ELAPOR1: variants seen among roughly 807,000 people sequenced by gnomAD.
ELAPOR1 encodes the protein endosome/lysosome-associated apoptosis and autophagy regulator 1.
A neutral mutation model predicts 119.7 loss-of-function variants in ELAPOR1; 77 were observed. The ratio of observed to expected loss-of-function variants is 0.64; its 90% CI spans 0.54 to 0.78. The LOEUF (loss-of-function observed/expected upper bound fraction) is 0.78, where lower values mean the gene tolerates loss of function less well. Among genes scored for constraint, ELAPOR1 ranks in the 30% least tolerant of loss-of-function variants. The pLI is 0.00. For synonymous variants in ELAPOR1, 481 were observed against 487.2 expected, an observed-to-expected ratio of 0.99 and a Z score of 0.17; for missense variants, 1,115 against 1,270.4, an observed-to-expected ratio of 0.88 and a Z score of 1.86.
chr1:109,134,623 G>A (rs1179339718), intron 1 of ELAPOR1, among the ~76,000 whole-genome samples: 6 of 152,186 alleles, frequency 3.9e-5, no homozygotes, highest in African/African-American at 1.2e-4. Flanking sequence ...CTGCTCAGGC[G>A]GCTGCTGCAC....
intron 1 of ELAPOR1, among the ~76,000 whole-genome samples, chr1:109,158,891 C>CTTT (rs543781555): frequency 1.6e-5 from 2 of 128,748 alleles, no homozygotes; most frequent in Admixed American, 1.6e-4. Context: ...AAGCTTATGT[C>CTTT]TTTTTTTTTT....
intron 1 of ELAPOR1, among the ~76,000 whole-genome samples, chr1:109,116,878 A>G (rs1648046911): frequency 6.6e-6 from 1 of 151,988 alleles, no homozygotes; most frequent in South Asian, 2.1e-4. Context: ...TTTAGTAGAG[A>G]TGGGGTTTCA....
intron 1 of ELAPOR1, among the ~76,000 whole-genome samples, chr1:109,131,135 G>C (rs1028775742): frequency 6.6e-6 from 1 of 152,214 alleles, no homozygotes; most frequent in Non-Finnish European, 1.5e-5. Flanking sequence ...TGAAGATCCA[G>C]TTCCAAGATG....
rs760110746 is a variant in ELAPOR1 at position 109,202,851 on chromosome 1, G to T, written c.2974-93G>T. On this transcript the variant is annotated intron_variant, in intron 21 of 21. Transcript: ENST00000369939. ...AGCCACTGAAACAGGAATTTCATAA[G>T]GGTTCCTTCTGTCACCTATTTTCCA... The T allele has an allele frequency of 8.1e-4, 947 of 1,166,260 alleles. 1 individual carries two copies. The highest frequency in any genetic ancestry group is 1.2e-3 in the Non-Finnish European group (904 of 773,478). 72.2% of individuals were successfully genotyped at this position (1,166,260 alleles called of 1,614,324 possible).
chr1:109,189,509 C>G lies in ELAPOR1; in HGVS notation c.1349-83C>G. 2.4e-6 allele frequency: 3 copies of G among 1,263,104 alleles called. No homozygotes were observed. The South Asian group carries it at 3.6e-5, about 15-fold the overall frequency. The allele number at this position is 1,263,104 out of a possible 1,614,324, so 78.2% of individuals were successfully genotyped here. A position where few individuals can be genotyped will look rare whatever the true frequency, so the allele number is the denominator to read the frequency against. Reference sequence around the variant, plus strand: ...GGGCGCCTCAAAAGATGGTGTCAAACCTCCCTTCCAGAGTGTCATCTGGGT... The same window carrying G: ...GGGCGCCTCAAAAGATGGTGTCAAAGCTCCCTTCCAGAGTGTCATCTGGGT... On this transcript the variant is annotated intron_variant, in intron 10 of 21. Coordinates refer to ENST00000369939, the MANE Select transcript of ELAPOR1 (RefSeq NM_020775.5).
chr1:109,161,215 G>T (rs189139255), intron 1 of ELAPOR1, among the ~76,000 whole-genome samples: 1 of 151,898 alleles, frequency 6.6e-6, no homozygotes, highest in African/African-American at 2.4e-5. Flanking sequence ...TTTGAGACCA[G>T]CATGGCTAAC....
At chr1:109,201,079 C>T (rs866977728) in intron 21 of ELAPOR1, among the ~76,000 whole-genome samples, 179 bp downstream of exon 21, 7 of 152,230 alleles carry the variant, frequency 4.6e-5, no homozygotes, top group South Asian at 2.1e-4. Context: ...TACACCAATA[C>T]TCTTTCCCCC....
At chr1:109,175,641 A>G (rs1016331138) in intron 7 of ELAPOR1, among the ~76,000 whole-genome samples, 1 of 150,742 alleles carries the variant, frequency 6.6e-6, no homozygotes, top group African/African-American at 2.4e-5. Context: ...AGGCTGGCCA[A>G]CATGGCAAAA....
At chr1:109,175,261 G>A (rs1652199060) in intron 7 of ELAPOR1, among the ~76,000 whole-genome samples, 1 of 151,648 alleles carries the variant, frequency 6.6e-6, no homozygotes, top group African/African-American at 2.4e-5. Flanking sequence ...CGAATGCAGT[G>A]GCGTGATCTC....
intron 4 of ELAPOR1, 43 bp from the exon 5 acceptor site, chr1:109,172,445 C>T (rs1388286693): frequency 4.8e-6 from 7 of 1,458,090 alleles, no homozygotes; most frequent in Non-Finnish European, 6.7e-6. Context: ...TATCCATTTC[C>T]TTAGAAAGCT....
intron 2 of ELAPOR1, among the ~76,000 whole-genome samples, chr1:109,162,400 A>G (rs676385): frequency 0.6 from 91,650 of 152,038 alleles, 29,011 homozygotes; most frequent in Non-Finnish European, 0.7. Flanking sequence ...ATTTGCTTTC[A>G]TTCTTAAAAA....
chr1:109,191,182 G>A (rs1475355668), intron 11 of ELAPOR1, among the ~76,000 whole-genome samples, 184 bp from the exon 12 acceptor site: 2 of 152,120 alleles, frequency 1.3e-5, no homozygotes, highest in Non-Finnish European at 2.9e-5. Flanking sequence ...TTACAGATAA[G>A]GAAACCGTGG....
At position 109,172,058 on chromosome 1, in the gene ELAPOR1, CTG is replaced by C. The variant is rs764404341; in HGVS notation, c.615+46_615+47del. ...GGAGGGTGGGAGCTAAAAAGCCTCT[CTG>C]GGGTTCAGATCCGTTTGAGGAATCC... On this transcript the variant is annotated intron_variant, in intron 4 of 21. Transcript: ENST00000369939. The C allele has an allele frequency of 7.5e-6, 12 of 1,606,698 alleles. 1 individual carries two copies. Among genetic ancestry groups the C allele is most frequent in the Middle Eastern group, 3.3e-4 (2 of 6,040 alleles).
At chr1:109,155,311 G>T (rs1650810672) in intron 1 of ELAPOR1, among the ~76,000 whole-genome samples, 1 of 152,024 alleles carries the variant, frequency 6.6e-6, no homozygotes, top group Non-Finnish European at 1.5e-5. Flanking sequence ...GAGTAGCTGG[G>T]ACTACAGGCA....
At chr1:109,190,541 C>T (rs1032816495) in intron 11 of ELAPOR1, among the ~76,000 whole-genome samples, 3 of 152,206 alleles carry the variant, frequency 2.0e-5, no homozygotes, top group Admixed American at 1.3e-4. Context: ...TTTCCTTCTT[C>T]GAGGTCCCTG....
At chr1:109,171,282 T>G (rs578190303) in intron 3 of ELAPOR1, among the ~76,000 whole-genome samples, 1 of 152,278 alleles carries the variant, frequency 6.6e-6, no homozygotes, top group African/African-American at 2.4e-5. Flanking sequence ...GCGCAGTGGC[T>G]CATGCCTGTA....
intron 3 of ELAPOR1, among the ~76,000 whole-genome samples, chr1:109,166,680 C>A (rs548621439): frequency 2.4e-4 from 37 of 152,216 alleles, no homozygotes; most frequent in Non-Finnish European, 5.1e-4. Context: ...CGAACCCAAG[C>A]TTCCACTGCT....
At chr1:109,137,531 T>G (rs942030774) in intron 1 of ELAPOR1, among the ~76,000 whole-genome samples, 1 of 148,300 alleles carries the variant, frequency 6.7e-6, no homozygotes, top group Non-Finnish European at 1.5e-5. Flanking sequence ...TTATTTTATT[T>G]TATTTTATTT....
At chr1:109,130,872 G>A (rs974496724) in intron 1 of ELAPOR1, among the ~76,000 whole-genome samples, 2 of 152,126 alleles carry the variant, frequency 1.3e-5, no homozygotes, top group African/African-American at 2.4e-5. Flanking sequence ...ACATGGTGAC[G>A]TAAATCTGTA....
Sources: gnomAD v4.1 joint callset for allele counts (sites outside exome capture counted in the v4.1 genomes callset) on GRCh38, gnomAD v4.1.1 for gene constraint, MANE v1.5 for transcripts, NCBI Gene and HGNC (gene_info 2026-07-23, HGNC 2026-07-21) for gene names.